ALKAL1: variants seen among roughly 807,000 people sequenced by gnomAD.
The protein encoded by ALKAL1 is ALK and LTK ligand 1.
In ALKAL1, 23 loss-of-function variants were observed where a neutral mutation model predicts 13.5. The ratio of observed to expected loss-of-function variants is 1.70; its 90% CI spans 1.23 to 2.41. The LOEUF is 2.41. ALKAL1 is among the 30% of genes most tolerant of loss of function. The pLI, the probability that ALKAL1 is intolerant of heterozygous loss-of-function variation, is 0.00. For synonymous variants in ALKAL1, 85 were observed against 77.7 expected, an observed-to-expected ratio of 1.09 and a Z score of -0.49; for missense variants, 181 against 178.4, an observed-to-expected ratio of 1.01 and a Z score of -0.08.
chr8:52,537,875 T>C (rs912268901), intron 4 of ALKAL1, among the ~76,000 whole-genome samples: 1 of 151,882 alleles, frequency 6.6e-6, no homozygotes, highest in African/African-American at 2.4e-5. Flanking sequence ...GGTGGGCGGA[T>C]CACTTGAGGT....
intron 3 of ALKAL1, among the ~76,000 whole-genome samples, chr8:52,539,303 TGA>T (rs1847291858): frequency 6.6e-6 from 1 of 152,202 alleles, no homozygotes; most frequent in South Asian, 2.1e-4. Context: ...GCACTTCAAA[TGA>T]GAGCACTTAA....
Position 52,539,813 on chromosome 8 carries a change from C to A in ALKAL1, c.325+18G>T, listed in dbSNP as rs200135378. The stretch of plus-strand genomic sequence containing the variant: ...TGTTGGATAATTAAAAAAAAAAAAA[C>A]CCACCCAAGTTACTTACAAGCTGGC... On this transcript the variant is annotated intron_variant, in intron 3 of 4. Coordinates refer to ENST00000358543, the MANE Select transcript of ALKAL1 (RefSeq NM_207413.4). 2.1e-5 allele frequency: 28 copies of A among 1,338,804 alleles called. No homozygotes were observed. The highest frequency in any genetic ancestry group is 5.0e-5 in the African/African-American group (3 of 59,662). 82.9% of individuals were successfully genotyped at this position (1,338,804 alleles called of 1,614,324 possible).
chr8:52,565,393 C>T lies in ALKAL1; in HGVS notation c.-137G>A. On this transcript the variant is annotated 5_prime_UTR_variant, in exon 1 of 5. Transcript: ENST00000358543. ...GGCCGCAGTCTTCACCGCGCGCCTGCCCTTGTCTACGTCCCGGGGGTCGGC... is the reference window on the plus strand; with the variant it reads ...GGCCGCAGTCTTCACCGCGCGCCTGTCCTTGTCTACGTCCCGGGGGTCGGC... 1 of 583,024 alleles carries T rather than the reference C, an allele frequency of 1.7e-6. No individual in the cohort carries two copies. Among genetic ancestry groups the T allele is most frequent in the Admixed American group, 4.4e-5 (1 of 22,902 alleles). The allele number at this position is 583,024 out of a possible 1,614,324, so 36.1% of individuals were successfully genotyped here. A position where few individuals can be genotyped will look rare whatever the true frequency, so the allele number is the denominator to read the frequency against.
At chr8:52,560,091 A>G (rs764404986) in intron 1 of ALKAL1, among the ~76,000 whole-genome samples, 17 of 152,130 alleles carry the variant, frequency 1.1e-4, no homozygotes, top group Non-Finnish European at 2.2e-4. Flanking sequence ...TCAAACTAAT[A>G]TGAGTTTCAG....
At chr8:52,558,648 T>C (rs1345372639) in intron 1 of ALKAL1, among the ~76,000 whole-genome samples, 1 of 152,130 alleles carries the variant, frequency 6.6e-6, no homozygotes, top group African/African-American at 2.4e-5. Context: ...CGGGCTCGTT[T>C]ATAGGCATTG....
chr8:52,539,483 T>TA (rs1847292885), intron 3 of ALKAL1, among the ~76,000 whole-genome samples: 5 of 152,284 alleles, frequency 3.3e-5, no homozygotes, highest in South Asian at 4.1e-4. Context: ...AATTTTTACT[T>TA]AGAGTTCACA....
intron 1 of ALKAL1, among the ~76,000 whole-genome samples, chr8:52,554,092 C>T (rs559802072): frequency 3.9e-5 from 6 of 152,154 alleles, no homozygotes; most frequent in African/African-American, 9.6e-5. Flanking sequence ...GGCATGGTGG[C>T]GCATGCCTGT....
At chr8:52,537,931 A>G (rs1373731947) in intron 4 of ALKAL1, among the ~76,000 whole-genome samples, 1 of 152,154 alleles carries the variant, frequency 6.6e-6, no homozygotes, top group South Asian at 2.1e-4. Context: ...CCCTGTCTCT[A>G]CTAAAAATAC....
At chr8:52,537,756 A>T (rs1024943905) in intron 4 of ALKAL1, among the ~76,000 whole-genome samples, 1 of 142,726 alleles carries the variant, frequency 7.0e-6, no homozygotes, top group Non-Finnish European at 1.5e-5. Flanking sequence ...TGAGGGAGCT[A>T]AAAAAAAAAA....
At chr8:52,561,879 G>A (rs1847554449) in intron 1 of ALKAL1, among the ~76,000 whole-genome samples, 1 of 152,200 alleles carries the variant, frequency 6.6e-6, no homozygotes, top group South Asian at 2.1e-4. Flanking sequence ...TGAAAAGGCA[G>A]AGGTAGCAAA....
At chr8:52,564,647 C>T (rs1304827114) in intron 1 of ALKAL1, among the ~76,000 whole-genome samples, 1 of 152,176 alleles carries the variant, frequency 6.6e-6, no homozygotes, top group Non-Finnish European at 1.5e-5. Context: ...GGGAAAGGGG[C>T]ATTCCTGGCA....
intron 1 of ALKAL1, among the ~76,000 whole-genome samples, chr8:52,561,618 A>C (rs759350918): frequency 9.9e-5 from 15 of 152,164 alleles, no homozygotes; most frequent in Admixed American, 2.6e-4. Context: ...TTTCCAAGGA[A>C]GCTAGGACCT....
intron 1 of ALKAL1, among the ~76,000 whole-genome samples, chr8:52,564,705 G>A (rs909469110): frequency 1.3e-5 from 2 of 152,114 alleles, no homozygotes; most frequent in African/African-American, 4.8e-5. Flanking sequence ...TCAAAACCCC[G>A]GAAGATCCAG....
At chr8:52,564,239 C>T (rs1847578936) in intron 1 of ALKAL1, among the ~76,000 whole-genome samples, 1 of 152,192 alleles carries the variant, frequency 6.6e-6, no homozygotes, top group Admixed American at 6.5e-5. Flanking sequence ...CCTTGCTCTG[C>T]TCTTGCTGGG....
At chr8:52,561,680 G>A (rs1018374887) in intron 1 of ALKAL1, among the ~76,000 whole-genome samples, 1 of 152,154 alleles carries the variant, frequency 6.6e-6, no homozygotes, top group African/African-American at 2.4e-5. Flanking sequence ...GAAGAGACCA[G>A]CCCCATGCTA....
At chr8:52,559,807 A>G (rs1284643854) in intron 1 of ALKAL1, among the ~76,000 whole-genome samples, 1 of 152,206 alleles carries the variant, frequency 6.6e-6, no homozygotes, top group Non-Finnish European at 1.5e-5. Flanking sequence ...GGTCTGCTTT[A>G]GCTTTGGGGA....
intron 1 of ALKAL1, among the ~76,000 whole-genome samples, chr8:52,561,603 C>T (rs963292445): frequency 6.6e-6 from 1 of 152,142 alleles, no homozygotes; most frequent in African/African-American, 2.4e-5. Context: ...GAATATCTGC[C>T]TTTCTTTCCA....
At chr8:52,543,497 AGTTCAGGGCCTG>A (rs1847334830) in intron 1 of ALKAL1, among the ~76,000 whole-genome samples, 1 of 152,194 alleles carries the variant, frequency 6.6e-6, no homozygotes, top group African/African-American at 2.4e-5. Context: ...GCCTTATGTG[AGTTCAGGGCCTG>A]GTTCAGGGCG....
chr8:52,538,897 A>G (rs981792187), intron 3 of ALKAL1, among the ~76,000 whole-genome samples: 1 of 151,578 alleles, frequency 6.6e-6, no homozygotes, highest in Non-Finnish European at 1.5e-5. Context: ...TGGAATTTTA[A>G]TTTATTTATT....
Sources: gnomAD v4.1 joint callset for allele counts (sites outside exome capture counted in the v4.1 genomes callset) on GRCh38, gnomAD v4.1.1 for gene constraint, MANE v1.5 for transcripts, NCBI Gene and HGNC (gene_info 2026-07-23, HGNC 2026-07-21) for gene names.